RBM47: variants seen among roughly 807,000 people sequenced by gnomAD.
The protein encoded by RBM47 is RNA binding motif protein 47.
A neutral mutation model predicts 47.1 loss-of-function variants in RBM47; 21 were observed. That is an observed-to-expected ratio of 0.45 (90% CI 0.32 to 0.64). RBM47 has a LOEUF of 0.64. Among genes scored for constraint, RBM47 ranks in the 30% least tolerant of loss-of-function variants. The pLI is 0.05. For missense variants in RBM47, 708 were observed against 870.9 expected (o/e 0.81, Z 2.35); for synonymous variants, 375 against 361.7 (o/e 1.04, Z -0.42).
At chr4:40,505,386 G>A (rs1723955030) in intron 2 of RBM47, among the ~76,000 whole-genome samples, 1 of 151,454 alleles carries the variant, frequency 6.6e-6, no homozygotes, top group Non-Finnish European at 1.5e-5. Context: ...CAGCTACTTG[G>A]GAAGCTGAGG....
intron 1 of RBM47, among the ~76,000 whole-genome samples, chr4:40,616,451 A>AT (rs941711026): frequency 5.9e-5 from 9 of 151,520 alleles, no homozygotes; most frequent in East Asian, 1.9e-4. Flanking sequence ...ATGCGCAATC[A>AT]TTTTTTTTAG....
chr4:40,546,162 T>C (rs776514478), intron 1 of RBM47, among the ~76,000 whole-genome samples: 10 of 152,136 alleles, frequency 6.6e-5, no homozygotes, highest in Non-Finnish European at 1.0e-4. Flanking sequence ...ATACTTTTTT[T>C]TTTTCCAGAT....
chr4:40,588,995 T>C (rs1733866713), intron 1 of RBM47, among the ~76,000 whole-genome samples: 2 of 130,150 alleles, frequency 1.5e-5, no homozygotes, highest in Non-Finnish European at 1.7e-5. Flanking sequence ...AGCGTTTCTT[T>C]TTTTTTTTTT....
chr4:40,544,840 C>CA (rs531232505), intron 1 of RBM47, among the ~76,000 whole-genome samples: 2 of 152,162 alleles, frequency 1.3e-5, no homozygotes, highest in Non-Finnish European at 2.9e-5. Flanking sequence ...AAGGCCGAGG[C>CA]AGGAGCATCA....
intron 1 of RBM47, among the ~76,000 whole-genome samples, chr4:40,610,125 A>C (rs2154279112): frequency 6.6e-6 from 1 of 151,904 alleles, no homozygotes; most frequent in East Asian, 1.9e-4. Flanking sequence ...AAACAAAAAA[A>C]CCTCATTTAA....
In RBM47 at chr4:40,552,079, T is replaced by C. The variant is rs56999991; in HGVS notation, c.-239-7573A>G. On this transcript the variant is annotated intron_variant, in intron 1 of 6. Transcript: ENST00000295971. ...CAAGACCTTGTTTAAAAGAAAAACA[T>C]AGAGGCCCTAAGACTTTTTTAAAGA... 3.4e-3 allele frequency among the ~76,000 whole-genome samples: 513 copies of C among 152,082 alleles called. 6 individuals are homozygous for C. The highest frequency in any genetic ancestry group is 0.012 in the African/African-American group (497 of 41,492).
intron 1 of RBM47, among the ~76,000 whole-genome samples, chr4:40,565,257 G>A (rs1730989099): frequency 6.6e-6 from 1 of 152,204 alleles, no homozygotes; most frequent in African/African-American, 2.4e-5. Context: ...GCAGTACTCA[G>A]CATGACACTT....
intron 1 of RBM47, among the ~76,000 whole-genome samples, chr4:40,603,145 C>T (rs1247982296): frequency 2.6e-5 from 4 of 152,214 alleles, no homozygotes; most frequent in African/African-American, 9.6e-5. Context: ...GTTGACTGCT[C>T]TCCTGATTTC....
intron 1 of RBM47, among the ~76,000 whole-genome samples, chr4:40,575,359 C>T (rs1052864186): frequency 3.3e-5 from 5 of 152,068 alleles, no homozygotes; most frequent in Admixed American, 1.3e-4. Flanking sequence ...CGAGACCAGC[C>T]TGATCAACAT....
At chr4:40,470,816 C>T (rs1320080352) in intron 2 of RBM47, among the ~76,000 whole-genome samples, 2 of 152,050 alleles carry the variant, frequency 1.3e-5, no homozygotes, top group Admixed American at 6.6e-5. Context: ...GATCTTGAAT[C>T]GCTGCAGCCT....
chr4:40,609,605 G>A (rs1055189060), intron 1 of RBM47, among the ~76,000 whole-genome samples: 3 of 151,912 alleles, frequency 2.0e-5, no homozygotes, highest in South Asian at 4.2e-4. Flanking sequence ...GAGTCACTGC[G>A]CCCAGCCATG....
At chr4:40,437,152 AAATACATATATATATATAT>A (rs1560357686) in intron 4 of RBM47, among the ~76,000 whole-genome samples, 6 of 79,162 alleles carry the variant, frequency 7.6e-5, no homozygotes, top group South Asian at 3.8e-4. Context: ...TATATATATA[AAATACATATATATATATAT>A]AATACATATA....
At chr4:40,523,665 A>T (rs1162436044) in intron 2 of RBM47, among the ~76,000 whole-genome samples, 1 of 151,758 alleles carries the variant, frequency 6.6e-6, no homozygotes, top group Non-Finnish European at 1.5e-5. Context: ...AAAAAAAAAA[A>T]TCAGCCAGGG....
chr4:40,545,503 A>G (rs1294968224), intron 1 of RBM47, among the ~76,000 whole-genome samples: 1 of 149,606 alleles, frequency 6.7e-6, no homozygotes, highest in Non-Finnish European at 1.5e-5. Context: ...ATCTCTACTA[A>G]AAATACAAAA....
Position 40,628,213 on chromosome 4 carries a change from G to GA in RBM47, c.-240+1182dup, listed in dbSNP as rs1043873644. 1.9e-4 allele frequency among the ~76,000 whole-genome samples: 29 copies of GA among 152,254 alleles called. No homozygotes were observed. Among genetic ancestry groups the GA allele is most frequent in the African/African-American group, 5.8e-4 (24 of 41,548 alleles). Reference sequence around the variant, plus strand: ...ACAAGGTGAAGGGTAAAGCAGACCAGAAAAAAATATTAAAAACCAAACCAT... The same window carrying GA: ...ACAAGGTGAAGGGTAAAGCAGACCAGAAAAAAAATATTAAAAACCAAACCAT... On this transcript the variant is annotated intron_variant, in intron 1 of 6. Transcript: ENST00000295971. The surrounding 1 kb of genome is among the most constrained non-coding windows in gnomAD (Gnocchi z 4.0).
At chr4:40,573,783 AAGAG>A (rs1198438346) in intron 1 of RBM47, among the ~76,000 whole-genome samples, 24 of 126,300 alleles carry the variant, frequency 1.9e-4, no homozygotes, top group Middle Eastern at 4.1e-3. Flanking sequence ...GAAAGAAAGA[AAGAG>A]AGAGAGAGAG....
chr4:40,554,901 G>T (rs1577949182), intron 1 of RBM47, among the ~76,000 whole-genome samples: 1 of 151,484 alleles, frequency 6.6e-6, no homozygotes, highest in Non-Finnish European at 1.5e-5. Context: ...AGCTGGGACT[G>T]CAGGCACGCA....
intron 2 of RBM47, among the ~76,000 whole-genome samples, chr4:40,504,085 A>G (rs1240955300): frequency 6.6e-6 from 1 of 152,134 alleles, no homozygotes; most frequent in Non-Finnish European, 1.5e-5. Context: ...GAGTGCTCAG[A>G]TTCTTCAGGG....
chr4:40,591,143 C>T (rs1256381272), intron 1 of RBM47, among the ~76,000 whole-genome samples: 1 of 151,958 alleles, frequency 6.6e-6, no homozygotes, highest in African/African-American at 2.4e-5. Flanking sequence ...ATAGGTAAAT[C>T]CACAGAGACA....
Sources: allele counts gnomAD v4.1 joint callset (sites outside exome capture counted in the v4.1 genomes callset), GRCh38; gene constraint gnomAD v4.1.1; non-coding constraint Gnocchi (gnomAD v3.1); transcripts MANE v1.5; gene names NCBI Gene and HGNC (gene_info 2026-07-23, HGNC 2026-07-21).